The following CELSR1 variants were observed in gnomAD, a reference collection of about 807,000 sequenced individuals.
The protein encoded by CELSR1 is cadherin EGF LAG seven-pass G-type receptor 1, also known as adhesion G protein-coupled receptor C1.
CELSR1 carries 110 observed loss-of-function variants against 249.1 expected under a neutral mutation model. The observed-to-expected ratio is 0.44, with a 90% CI of 0.38 to 0.52. The LOEUF is 0.52. Among genes scored for constraint, CELSR1 ranks in the 20% least tolerant of loss-of-function variants. The pLI is 0.00. For synonymous variants in CELSR1, 2,113 were observed against 1,900.0 expected (o/e 1.11, Z -2.92); for missense variants, 4,109 against 4,296.4 (o/e 0.96, Z 1.22).
chr22:46,384,554 G>A lies in CELSR1; in HGVS notation c.6872C>T (p.Pro2291Leu), dbSNP rs754538406. ...VSFPADFFRP[P>L]EEKEGPLLRP... ...CTAAGCGGTTTTACCTTTTTCTTCA[G>A]GTGGTCTGAAGAAGTCGGCTGGGAA... is the stretch of plus-strand genomic sequence containing the variant. Residue 2291 changes from proline to leucine, a missense_variant, in exon 20 of 35, where the codon CCT becomes CTT. Coordinates refer to ENST00000674500, the MANE Select transcript of CELSR1 (RefSeq NM_001378328.1). 6 of 1,608,652 alleles carry A rather than the reference G, an allele frequency of 3.7e-6. No individual in the cohort carries two copies. In the African/African-American group the frequency reaches 4.0e-5, roughly 11 times the overall value.
In CELSR1 at chr22:46,512,978, C is replaced by T. The variant is rs1018954059; in HGVS notation, c.3544+20649G>A. ...GTGCTACTCACGCACTGCTGCTGAC[C>T]TCATCTGTCCAGTGTCAGGTGCTCA... On this transcript the variant is annotated intron_variant, in intron 1 of 34. Coordinates refer to ENST00000674500, the MANE Select transcript of CELSR1 (RefSeq NM_001378328.1). The surrounding 1 kb of genome is among the most constrained non-coding windows in gnomAD (Gnocchi z 5.2). Among the ~76,000 whole-genome samples, 2 of 152,234 alleles carry T rather than the reference C, an allele frequency of 1.3e-5. No individual in the cohort carries two copies. Among genetic ancestry groups the T allele is most frequent in the African/African-American group, 4.8e-5 (2 of 41,462 alleles).
At position 46,446,362 on chromosome 22, in the gene CELSR1, T is replaced by TAGGGTG. The variant is rs1481687533; in HGVS notation, c.4184-6957_4184-6952dup. Among the ~76,000 whole-genome samples the TAGGGTG allele has an allele frequency of 6.6e-6, 1 of 152,148 alleles. No homozygotes were observed. The highest frequency in any genetic ancestry group is 1.5e-5 in the Non-Finnish European group (1 of 68,014). On this transcript the variant is annotated intron_variant, in intron 2 of 34. Coordinates refer to ENST00000674500, the MANE Select transcript of CELSR1 (RefSeq NM_001378328.1). This position sits in a 1 kb window ranked among gnomAD's most constrained non-coding sequence, Gnocchi z 5.5. Reference sequence around the variant, plus strand: ...GGGAAGCTCGGGCCACCTGCCTGCTTAGGGTGACCCTGGGGGCTCTCATGG... The same window carrying TAGGGTG: ...GGGAAGCTCGGGCCACCTGCCTGCTTAGGGTGAGGGTGACCCTGGGGGCTCTCATGG...
chr22:46,421,801 GC>G (rs2079476071), intron 5 of CELSR1, among the ~76,000 whole-genome samples: 1 of 152,202 alleles, frequency 6.6e-6, no homozygotes, highest in African/African-American at 2.4e-5. Flanking sequence ...CTTAGCAGAG[GC>G]CCCACTAGTG....
At chr22:46,370,096 C>A (rs1180893297) in intron 25 of CELSR1, 1 of 520,256 alleles carries the variant, frequency 1.9e-6, no homozygotes, top group East Asian at 4.9e-5. Context: ...TGGAGGGTGG[C>A]AGTGAGATGG....
intron 2 of CELSR1, among the ~76,000 whole-genome samples, chr22:46,452,957 G>A (rs2079903267): frequency 6.6e-6 from 1 of 152,270 alleles, no homozygotes; most frequent in Non-Finnish European, 1.5e-5. Context: ...GTCCAGGGAG[G>A]ATAGAGTTGA....
At position 46,526,709 on chromosome 22, in the gene CELSR1, C is replaced by G. The variant is rs1389929860; in HGVS notation, c.3544+6918G>C. Among the ~76,000 whole-genome samples the G allele has an allele frequency of 6.6e-6, 1 of 152,192 alleles. No homozygotes were observed. Among genetic ancestry groups the G allele is most frequent in the African/African-American group, 2.4e-5 (1 of 41,444 alleles). On this transcript the variant is annotated intron_variant, in intron 1 of 34. Transcript: ENST00000674500. The surrounding 1 kb of genome is among the most constrained non-coding windows in gnomAD (Gnocchi z 4.7). ...GGTTATTCCTGCTCCAGCTCCCAAGCAGACTGTTCCCCACCCAGGAGGCTA... is the reference window on the plus strand; with the variant it reads ...GGTTATTCCTGCTCCAGCTCCCAAGGAGACTGTTCCCCACCCAGGAGGCTA...
rs755079866 is a variant in CELSR1, at chr22:46,445,953, C to T, written c.4184-6542G>A. On this transcript the variant is annotated intron_variant, in intron 2 of 34. Coordinates refer to ENST00000674500, the MANE Select transcript of CELSR1 (RefSeq NM_001378328.1). This position sits in a 1 kb window ranked among gnomAD's most constrained non-coding sequence, Gnocchi z 4.4. ...TGCACAGCCACAAGCCCCCTCGCCTCGCGGCCCCTGCTCCTGCCGCACAGC... is the reference window on the plus strand; with the variant it reads ...TGCACAGCCACAAGCCCCCTCGCCTTGCGGCCCCTGCTCCTGCCGCACAGC... Among the ~76,000 whole-genome samples, 7 of 152,156 alleles carry T rather than the reference C, an allele frequency of 4.6e-5. No individual in the cohort carries two copies. The highest frequency in any genetic ancestry group is 2.1e-4 in the South Asian group (1 of 4,834).
intron 5 of CELSR1, among the ~76,000 whole-genome samples, chr22:46,425,120 G>A (rs1477068480): frequency 2.0e-5 from 3 of 152,232 alleles, no homozygotes; most frequent in African/African-American, 7.2e-5. Context: ...ATACCAGTTT[G>A]TTTAACCATT....
intron 1 of CELSR1, among the ~76,000 whole-genome samples, chr22:46,504,564 T>C (rs982928707): frequency 1.9e-4 from 28 of 149,000 alleles, no homozygotes; most frequent in African/African-American, 6.9e-4. Context: ...AAAAACTGCA[T>C]CTTCCCCAAA....
Position 46,535,164 on chromosome 22 carries a change from G to A in CELSR1, c.2007C>T (p.Ser669=). Residue 669 remains serine, a synonymous_variant, in exon 1 of 35, where the codon TCC becomes TCT. Coordinates refer to ENST00000674500, the MANE Select transcript of CELSR1 (RefSeq NM_001378328.1). ...AVDHGSPPMS[S]STSVSITVLD... ...GCACCGTGATGGACACGCTGGTGGAGGAGCTCATGGGGGGCGAGCCGTGGT... is the reference window on the plus strand; with the variant it reads ...GCACCGTGATGGACACGCTGGTGGAAGAGCTCATGGGGGGCGAGCCGTGGT... 1 of 1,609,768 alleles carries A rather than the reference G, an allele frequency of 6.2e-7. No homozygotes were observed. Among genetic ancestry groups the A allele is most frequent in the Non-Finnish European group, 8.5e-7 (1 of 1,179,694 alleles).
At chr22:46,444,188 T>C (rs1312342868) in intron 2 of CELSR1, among the ~76,000 whole-genome samples, 1 of 152,168 alleles carries the variant, frequency 6.6e-6, no homozygotes, top group East Asian at 1.9e-4. Flanking sequence ...TCTCCCCTCA[T>C]CCGAGGGCTG....
chr22:46,366,598 C>CAGGG, intron 29 of CELSR1, 118 bp from the exon 30 acceptor site: 1 of 824,570 alleles, frequency 1.2e-6, no homozygotes, highest in Non-Finnish European at 2.0e-6. Context: ...GGGCCCCTGC[C>CAGGG]TGGCACACAG....
chr22:46,418,416 C>T (rs1410973661), intron 5 of CELSR1, among the ~76,000 whole-genome samples: 2 of 152,132 alleles, frequency 1.3e-5, no homozygotes, highest in East Asian at 1.9e-4. Flanking sequence ...ACCCGGGAGA[C>T]GGAGGTTGCA....
intron 20 of CELSR1, 111 bp from the exon 21 acceptor site, chr22:46,382,161 C>T: frequency 1.9e-6 from 2 of 1,044,130 alleles, no homozygotes; most frequent in East Asian, 2.6e-5. Context: ...CCACAGAAAA[C>T]AGTACCGTGG....
intron 1 of CELSR1, among the ~76,000 whole-genome samples, chr22:46,516,278 T>TA (rs2080626875): frequency 6.6e-6 from 1 of 152,082 alleles, no homozygotes; most frequent in Non-Finnish European, 1.5e-5. Context: ...TATGCAGCCA[T>TA]AAAAAATGAT....
Position 46,448,355 on chromosome 22 carries a change from C to T in CELSR1, c.4184-8944G>A, listed in dbSNP as rs2079844352. 6.6e-6 allele frequency among the ~76,000 whole-genome samples: 1 copy of T among 152,100 alleles called. No individual in the cohort carries two copies. Among genetic ancestry groups the T allele is most frequent in the Non-Finnish European group, 1.5e-5 (1 of 68,004 alleles). On this transcript the variant is annotated intron_variant, in intron 2 of 34. Transcript: ENST00000674500. The surrounding 1 kb of genome is among the most constrained non-coding windows in gnomAD (Gnocchi z 5.7). ...CTGGCTCAAGAGCTCCAGAACTTACCCCTGGGGGGCTGCTCCAGGAGCTAG... is the reference window on the plus strand; with the variant it reads ...CTGGCTCAAGAGCTCCAGAACTTACTCCTGGGGGGCTGCTCCAGGAGCTAG...
intron 1 of CELSR1, among the ~76,000 whole-genome samples, chr22:46,474,456 C>A (rs1171456748): frequency 1.3e-5 from 2 of 152,146 alleles, no homozygotes; most frequent in East Asian, 3.9e-4. Context: ...CGGCCAGCAC[C>A]CACCCCAACC....
intron 2 of CELSR1, among the ~76,000 whole-genome samples, chr22:46,459,567 A>AC (rs1311366171): frequency 6.6e-6 from 1 of 151,882 alleles, no homozygotes; most frequent in African/African-American, 2.4e-5. Context: ...TCCTGACCCC[A>AC]CCCTCCACAG....
chr22:46,402,285 C>A lies in CELSR1; in HGVS notation c.5227-2383G>T, dbSNP rs1355838108. ...AGGCTGGAGTGCAATGGCACAATCT[C>A]AGCTCACTGTAAACTCCACCTCCCA... On this transcript the variant is annotated intron_variant, in intron 9 of 34. Transcript: ENST00000674500. This position sits in a 1 kb window ranked among gnomAD's most constrained non-coding sequence, Gnocchi z 5.0. Among the ~76,000 whole-genome samples, 2 of 151,396 alleles carry A rather than the reference C, an allele frequency of 1.3e-5. No homozygotes were observed. The highest frequency in any genetic ancestry group is 4.9e-5 in the African/African-American group (2 of 41,156).
Sources: allele counts gnomAD v4.1 joint callset (sites outside exome capture counted in the v4.1 genomes callset), GRCh38; gene constraint gnomAD v4.1.1; non-coding constraint Gnocchi (gnomAD v3.1); transcripts MANE v1.5; gene names NCBI Gene and HGNC (gene_info 2026-07-23, HGNC 2026-07-21).